PDZRN3: variants seen among roughly 807,000 people sequenced by gnomAD.
The protein encoded by PDZRN3 is PDZ domain containing ring finger 3.
PDZRN3 carries 38 observed loss-of-function variants against 85.7 expected under a neutral mutation model. The observed-to-expected ratio is 0.44, with a 90% CI of 0.34 to 0.58. PDZRN3 has a LOEUF of 0.58. PDZRN3 is among the 20% of genes least tolerant of loss of function. The pLI is 0.01. For synonymous variants in PDZRN3, 759 were observed against 638.0 expected (o/e 1.19, Z -2.86); for missense variants, 1,629 against 1,506.4 (o/e 1.08, Z -1.35).
chr3:73,473,047 G>A (rs1249720470), intron 3 of PDZRN3, among the ~76,000 whole-genome samples: 1 of 152,168 alleles, frequency 6.6e-6, no homozygotes, highest in African/African-American at 2.4e-5. Context: ...GTGTACACCT[G>A]AGCCTTATCA....
chr3:73,385,818 A>T (rs779722948), intron 8 of PDZRN3, 33 bp from the exon 9 acceptor site: 1 of 1,204,526 alleles, frequency 8.3e-7, no homozygotes, highest in Admixed American at 1.8e-5. Context: ...CATGCCTTAG[A>T]AGTTTCCTTT....
intron 3 of PDZRN3, among the ~76,000 whole-genome samples, chr3:73,565,116 A>AT: frequency 4.5e-5 from 4 of 87,948 alleles, no homozygotes; most frequent in Non-Finnish European, 6.8e-5. Context: ...TATATCCACC[A>AT]ATTTTTTTTT....
At chr3:73,432,423 T>C (rs879932456) in intron 3 of PDZRN3, among the ~76,000 whole-genome samples, 1 of 152,234 alleles carries the variant, frequency 6.6e-6, no homozygotes, top group Non-Finnish European at 1.5e-5. Flanking sequence ...ATGCTTGTTT[T>C]TTGTAAGATA....
intron 3 of PDZRN3, among the ~76,000 whole-genome samples, chr3:73,426,837 T>C (rs961554852): frequency 1.3e-5 from 2 of 152,142 alleles, no homozygotes; most frequent in Non-Finnish European, 2.9e-5. Flanking sequence ...TCCCAGATGC[T>C]GTTGCTGGGC....
In PDZRN3 at chr3:73,549,316, G is replaced by C. The variant is rs149414667; in HGVS notation, c.918+53038C>G. 5.9e-5 allele frequency among the ~76,000 whole-genome samples: 9 copies of C among 152,266 alleles called. No individual in the cohort carries two copies. In the East Asian group the frequency reaches 1.7e-3, roughly 29 times the overall value. ...AGCGGTCTGTCAAATGGATAGAATA[G>C]GCTCTTTTCTTCTCTACCAGCTAGC... On this transcript the variant is annotated intron_variant, in intron 3 of 9. Coordinates refer to ENST00000263666, the MANE Select transcript of PDZRN3 (RefSeq NM_015009.3).
At chr3:73,495,426 T>C (rs1363690869) in intron 3 of PDZRN3, among the ~76,000 whole-genome samples, 1 of 152,238 alleles carries the variant, frequency 6.6e-6, no homozygotes, top group African/African-American at 2.4e-5. Context: ...CAGATTTATA[T>C]TGATTCATGT....
At chr3:73,623,566 C>T (rs1321927956) in intron 1 of PDZRN3, 1 of 152,286 alleles carries the variant, frequency 6.6e-6, no homozygotes, top group Non-Finnish European at 1.5e-5. Context: ...AGCTTTTACC[C>T]CAGAGGCCTC....
intron 3 of PDZRN3, among the ~76,000 whole-genome samples, chr3:73,419,009 G>A (rs1702146324): frequency 6.6e-6 from 1 of 152,154 alleles, no homozygotes; most frequent in Non-Finnish European, 1.5e-5. Context: ...GTGAGAGGTA[G>A]GAGAATAAAA....
At chr3:73,390,017 GT>G in intron 6 of PDZRN3, 139 bp from the exon 7 acceptor site, 1 of 694,470 alleles carries the variant, frequency 1.4e-6, no homozygotes. Context: ...AAGACTTAGT[GT>G]CGTGCAAGGA....
chr3:73,386,861 G>A (rs1230479930), intron 8 of PDZRN3, among the ~76,000 whole-genome samples: 4 of 63,020 alleles, frequency 6.3e-5, no homozygotes, highest in African/African-American at 2.5e-4. Flanking sequence ...TCTGTCTCTC[G>A]GCTTTTTCAA....
At chr3:73,620,975 A>G (rs759983517) in intron 1 of PDZRN3, among the ~76,000 whole-genome samples, 8 of 152,252 alleles carry the variant, frequency 5.3e-5, no homozygotes, top group Non-Finnish European at 1.2e-4. Context: ...AGACCAATAC[A>G]TGTTTGGTCT....
chr3:73,551,843 C>T (rs1701566590), intron 3 of PDZRN3, among the ~76,000 whole-genome samples: 1 of 152,078 alleles, frequency 6.6e-6, no homozygotes, highest in Non-Finnish European at 1.5e-5. Flanking sequence ...ATGTTTATAC[C>T]TGCATGTGAT....
intron 1 of PDZRN3, among the ~76,000 whole-genome samples, chr3:73,610,581 G>C (rs1367790694): frequency 6.6e-6 from 1 of 152,110 alleles, no homozygotes; most frequent in Non-Finnish European, 1.5e-5. Flanking sequence ...TTCTTACTTT[G>C]CTATCTTAAA....
chr3:73,592,749 A>G (rs758960394), intron 3 of PDZRN3, among the ~76,000 whole-genome samples: 2 of 152,120 alleles, frequency 1.3e-5, no homozygotes, highest in Non-Finnish European at 2.9e-5. Context: ...CCCACCCTGG[A>G]GTACTCAGAG....
intron 3 of PDZRN3, among the ~76,000 whole-genome samples, chr3:73,501,359 A>T (rs1406661142): frequency 6.6e-6 from 1 of 152,064 alleles, no homozygotes; most frequent in Non-Finnish European, 1.5e-5. Flanking sequence ...ATCTACTTTT[A>T]ACATGTTCCT....
intron 3 of PDZRN3, among the ~76,000 whole-genome samples, chr3:73,536,277 A>T (rs1704783243): frequency 6.6e-6 from 1 of 152,250 alleles, no homozygotes; most frequent in Non-Finnish European, 1.5e-5. Flanking sequence ...GAGCATTCTG[A>T]TTCCAGTGCT....
At chr3:73,531,405 C>G (rs1035832024) in intron 3 of PDZRN3, among the ~76,000 whole-genome samples, 3 of 152,160 alleles carry the variant, frequency 2.0e-5, no homozygotes, top group African/African-American at 7.2e-5. Context: ...TGCTATTTCC[C>G]TAATCTTCCC....
chr3:73,484,791 G>A (rs998269065), intron 3 of PDZRN3, among the ~76,000 whole-genome samples: 2 of 152,080 alleles, frequency 1.3e-5, no homozygotes, highest in African/African-American at 2.4e-5. Context: ...CCTCTGCAGA[G>A]GAAATGAATC....
chr3:73,392,357 G>T lies in PDZRN3; in HGVS notation c.1255-1241C>A, dbSNP rs139773158. Among the ~76,000 whole-genome samples the T allele has an allele frequency of 1.1e-4, 16 of 152,344 alleles. No individual in the cohort carries two copies. The East Asian group carries it at 3.1e-3, about 29-fold the overall frequency. ...CATCAAAAGGTTTTAAGTGAGGACT[G>T]CCATGATCTTAACGACTTTCAGCAG... On this transcript the variant is annotated intron_variant, in intron 5 of 9. Transcript: ENST00000263666.
Sources: gnomAD v4.1 joint callset for allele counts (sites outside exome capture counted in the v4.1 genomes callset) on GRCh38, gnomAD v4.1.1 for gene constraint, MANE v1.5 for transcripts, NCBI Gene and HGNC (gene_info 2026-07-23, HGNC 2026-07-21) for gene names.